Variants in ASCC3 observed in about 807,000 individuals in gnomAD.
ASCC3 encodes ASC-1 complex subunit P200.
In ASCC3, 158 loss-of-function variants were observed where a neutral mutation model predicts 256.3. That is an observed-to-expected ratio of 0.62 (90% CI 0.54 to 0.70). The LOEUF is 0.70. ASCC3 is among the 30% of genes least tolerant of loss of function. The pLI is 0.00. For missense variants in ASCC3, 2,259 were observed against 2,626.0 expected (o/e 0.86, Z 3.05); for synonymous variants, 948 against 883.4 (o/e 1.07, Z -1.30).
chr6:100,861,798 T>C (rs1773238110), intron 3 of ASCC3, among the ~76,000 whole-genome samples: 1 of 152,158 alleles, frequency 6.6e-6, no homozygotes, highest in Non-Finnish European at 1.5e-5. Context: ...TCACCACAGG[T>C]ACAATCCCCA....
intron 15 of ASCC3, 68 bp downstream of exon 15, chr6:100,662,277 T>A (rs1776262935): frequency 1.3e-6 from 2 of 1,485,570 alleles, no homozygotes; most frequent in Admixed American, 4.2e-5. Context: ...TTTTTCTATG[T>A]AAGTCAACCC....
At chr6:100,660,179 T>C (rs1233807934) in intron 16 of ASCC3, among the ~76,000 whole-genome samples, 1 of 151,602 alleles carries the variant, frequency 6.6e-6, no homozygotes, top group Non-Finnish European at 1.5e-5. Flanking sequence ...AAAAGAAATC[T>C]AAGCTATAAT....
At chr6:100,622,523 C>A (rs993307910) in intron 30 of ASCC3, among the ~76,000 whole-genome samples, 5 of 151,978 alleles carry the variant, frequency 3.3e-5, no homozygotes, top group Non-Finnish European at 7.4e-5. Flanking sequence ...TTATAAATTA[C>A]CCAGTCTTGG....
chr6:100,691,494 T>C (rs1270426821), intron 13 of ASCC3, among the ~76,000 whole-genome samples: 1 of 152,012 alleles, frequency 6.6e-6, no homozygotes, highest in East Asian at 1.9e-4. Context: ...ATCTGAGATA[T>C]GAATTCATTT....
chr6:100,577,515 T>C (rs1279194156), intron 36 of ASCC3, among the ~76,000 whole-genome samples: 2 of 152,110 alleles, frequency 1.3e-5, no homozygotes, highest in African/African-American at 4.8e-5. Flanking sequence ...GAAATGTATA[T>C]AGCAAGTCTT....
chr6:100,556,541 A>C (rs919464465), intron 36 of ASCC3, among the ~76,000 whole-genome samples: 1 of 152,194 alleles, frequency 6.6e-6, no homozygotes, highest in African/African-American at 2.4e-5. Context: ...ATCAGGAGAA[A>C]GGGGAAGAAG....
chr6:100,586,511 G>A (rs962350544), intron 36 of ASCC3, among the ~76,000 whole-genome samples: 4 of 152,164 alleles, frequency 2.6e-5, no homozygotes. Flanking sequence ...CTCGGAAAGG[G>A]AACTCCCTGA....
At chr6:100,753,706 A>G (rs1009600060) in intron 10 of ASCC3, among the ~76,000 whole-genome samples, 3 of 152,204 alleles carry the variant, frequency 2.0e-5, no homozygotes, top group South Asian at 2.1e-4. Context: ...GGAGAAAATT[A>G]GAGTAGTGGC....
intron 17 of ASCC3, among the ~76,000 whole-genome samples, chr6:100,654,403 T>C (rs1248523314): frequency 6.6e-6 from 1 of 152,030 alleles, no homozygotes; most frequent in African/African-American, 2.4e-5. Context: ...CTTTTGATTA[T>C]AACCTAGTAC....
chr6:100,674,631 ATTT>A (rs3073741), intron 14 of ASCC3, among the ~76,000 whole-genome samples: 2 of 131,634 alleles, frequency 1.5e-5, no homozygotes, highest in African/African-American at 2.8e-5. Flanking sequence ...TTATTACAGA[ATTT>A]TTTTTTTTTT....
chr6:100,603,905 T>G (rs1582539249), intron 33 of ASCC3, among the ~76,000 whole-genome samples: 1 of 152,202 alleles, frequency 6.6e-6, no homozygotes, highest in East Asian at 1.9e-4. Flanking sequence ...TCTCGTAAAT[T>G]TTTTATCAGG....
intron 1 of ASCC3, among the ~76,000 whole-genome samples, chr6:100,874,242 C>T (rs374709133): frequency 5.3e-5 from 8 of 152,044 alleles, no homozygotes; most frequent in East Asian, 1.9e-4. Flanking sequence ...CCGAGGCAGG[C>T]GGATCACGAG....
chr6:100,831,288 G>A (rs2114458033), intron 4 of ASCC3, among the ~76,000 whole-genome samples: 1 of 150,484 alleles, frequency 6.6e-6, no homozygotes, highest in East Asian at 2.0e-4. Context: ...TGATAAAGAT[G>A]GCACAAAATT....
At chr6:100,521,014 A>G (rs1047887729) in intron 37 of ASCC3, among the ~76,000 whole-genome samples, 2 of 152,204 alleles carry the variant, frequency 1.3e-5, no homozygotes, top group Non-Finnish European at 2.9e-5. Context: ...TTGTAATTCT[A>G]GTCCCAGCAC....
At chr6:100,729,636 GT>G (rs1472401358) in intron 10 of ASCC3, among the ~76,000 whole-genome samples, 1 of 152,090 alleles carries the variant, frequency 6.6e-6, no homozygotes, top group Admixed American at 6.6e-5. Context: ...CTGATGGGAA[GT>G]TATACAAGTC....
At chr6:100,653,035 T>G (rs1775746765) in intron 17 of ASCC3, 146 bp from the exon 18 acceptor site, 1 of 769,790 alleles carries the variant, frequency 1.3e-6, no homozygotes, top group African/African-American at 1.8e-5. Context: ...TTTTCTACAT[T>G]TAGGAAATAA....
In ASCC3 at chr6:100,799,488, A is replaced by G; in HGVS notation, c.1212T>C (p.His404=). 6.2e-7 allele frequency: 1 copy of G among 1,613,198 alleles called. No homozygotes were observed. The highest frequency in any genetic ancestry group is 8.5e-7 in the Non-Finnish European group (1 of 1,179,512). ...TGGCTTCAGCCTGGGAATCATACAC[A>G]TGGGGATAATGTATTTTTTCAACGT... The part of the protein sequence containing the change: ...DADVEKIHYP[H]VYDSQAEAMK... Residue 404 remains histidine (H), a synonymous_variant, in exon 7 of 42, where the codon CAT becomes CAC. Transcript: ENST00000369162.
At chr6:100,824,013 A>G (rs773628678) in intron 4 of ASCC3, among the ~76,000 whole-genome samples, 11 of 152,178 alleles carry the variant, frequency 7.2e-5, no homozygotes, top group Non-Finnish European at 1.5e-4. Context: ...TACATTATAA[A>G]TCCTATAAAA....
chr6:100,639,455 T>C (rs763127813), intron 24 of ASCC3, among the ~76,000 whole-genome samples: 12 of 152,148 alleles, frequency 7.9e-5, no homozygotes, highest in Non-Finnish European at 1.8e-4. Context: ...GAAACAGTTA[T>C]ACACCCTTGA....
Sources: gnomAD v4.1 joint callset for allele counts (sites outside exome capture counted in the v4.1 genomes callset) on GRCh38, gnomAD v4.1.1 for gene constraint, MANE v1.5 for transcripts, NCBI Gene and HGNC (gene_info 2026-07-23, HGNC 2026-07-21) for gene names.